ZFHX3: variants seen among roughly 807,000 people sequenced by gnomAD.
ZFHX3 encodes zinc finger homeobox protein 3.
ZFHX3 carries 42 observed loss-of-function variants against 279.1 expected under a neutral mutation model. The ratio of observed to expected loss-of-function variants is 0.15; its 90% confidence interval spans 0.12 to 0.19. The LOEUF is 0.19. Among genes scored for constraint, ZFHX3 ranks in the 10% least tolerant of loss-of-function variants. The pLI is 1.00. For synonymous variants in ZFHX3, 2,293 were observed against 1,957.8 expected (o/e 1.17, Z -4.52); for missense variants, 4,981 against 4,754.0 (o/e 1.05, Z -1.40).
chr16:73,774,447 G>T (rs1330656515), intron 1 of ZFHX3, among the ~76,000 whole-genome samples: 1 of 152,108 alleles, frequency 6.6e-6, no homozygotes, highest in Non-Finnish European at 1.5e-5. Flanking sequence ...CCCCAGAGTT[G>T]GGTGTCCCAG....
chr16:73,140,777 C>A (rs1966845786), intron 6 of ZFHX3, among the ~76,000 whole-genome samples: 1 of 152,152 alleles, frequency 6.6e-6, no homozygotes, highest in Non-Finnish European at 1.5e-5. Context: ...TCAATTGAAC[C>A]CGGGAGGTGG....
intron 3 of ZFHX3, among the ~76,000 whole-genome samples, chr16:73,359,647 C>T (rs9940028): frequency 0.21 from 32,383 of 152,086 alleles, 4,241 homozygotes; most frequent in African/African-American, 0.37. Flanking sequence ...GAGGCCAGCC[C>T]TGCCGGACCA....
chr16:73,275,664 C>T (rs1482487353), intron 4 of ZFHX3, among the ~76,000 whole-genome samples: 10 of 152,178 alleles, frequency 6.6e-5, no homozygotes, highest in Admixed American at 5.2e-4. Flanking sequence ...ATACTGTCGT[C>T]TATTGAGTGT....
chr16:73,506,522 T>C (rs1305575204), intron 2 of ZFHX3, among the ~76,000 whole-genome samples: 1 of 152,178 alleles, frequency 6.6e-6, no homozygotes, highest in Admixed American at 6.5e-5. Flanking sequence ...AGTTCATGTA[T>C]ATTAGCCAGA....
chr16:73,696,844 C>T lies in ZFHX3; in HGVS notation c.-1607-16604G>A, dbSNP rs111653637. ...CTGAGACTTCTGGAAAGTGAAGAGG[C>T]TATTTAAACATAGGTTGTGAGGTAG... On this transcript the variant is annotated intron_variant, in intron 1 of 17. Coordinates refer to the ZFHX3 transcript ENST00000641206. 9.8e-3 allele frequency among the ~76,000 whole-genome samples: 1,489 copies of T among 152,196 alleles called. 25 individuals carry two copies. The highest frequency in any genetic ancestry group is 0.035 in the African/African-American group (1,440 of 41,520).
intron 2 of ZFHX3, among the ~76,000 whole-genome samples, chr16:73,575,293 A>G (rs2051787907): frequency 6.6e-6 from 1 of 152,248 alleles, no homozygotes. Flanking sequence ...AAAAGTATTT[A>G]AAAACCAAAG....
chr16:72,831,845 C>A (rs748460605), intron 4 of ZFHX3, among the ~76,000 whole-genome samples: 7 of 152,124 alleles, frequency 4.6e-5, no homozygotes, highest in Admixed American at 6.5e-5. Context: ...AGTGTTGATA[C>A]ATTTATGCCT....
chr16:73,877,968 G>T (rs2030008686), intron 1 of ZFHX3, among the ~76,000 whole-genome samples: 1 of 151,870 alleles, frequency 6.6e-6, no homozygotes, highest in Non-Finnish European at 1.5e-5. Flanking sequence ...ATTTAACAGA[G>T]AAAGCTTCAT....
chr16:73,463,067 A>G lies in ZFHX3; in HGVS notation c.-1546-6809T>C, dbSNP rs374974659. ...TCCCCTTCCAGATCTTACTGCCCCA[A>G]CTCCTCCCACAATTATGCAAGGTCT... On this transcript the variant is annotated intron_variant, in intron 2 of 17. Coordinates refer to the ZFHX3 transcript ENST00000641206. Among the ~76,000 whole-genome samples, 31 of 152,014 alleles carry G rather than the reference A, an allele frequency of 2.0e-4. 3 individuals are homozygous for G. The highest frequency in any genetic ancestry group is 1.4e-3 in the Admixed American group (22 of 15,258).
intron 2 of ZFHX3, among the ~76,000 whole-genome samples, chr16:73,679,140 A>C (rs1204183860): frequency 4.6e-5 from 7 of 151,630 alleles, no homozygotes; most frequent in African/African-American, 1.7e-4. Flanking sequence ...TTTTTTTTTT[A>C]ATGGAAACCA....
chr16:73,015,601 G>C (rs1964074494), intron 1 of ZFHX3: 1 of 152,184 alleles, frequency 6.6e-6, no homozygotes, highest in African/African-American at 2.4e-5. Context: ...ATTCACAAAA[G>C]CCAGGCCGAG....
rs141276031 is a variant in ZFHX3, at chr16:72,957,610, G to A, written c.2536C>T (p.Arg846Cys). The change falls in exon 2 of 10, where the codon CGC becomes TGC. Residue 846 changes from arginine (R) to cysteine (C), a missense_variant. Arg to Cys is a radical substitution (Grantham distance 180). Around this residue, in one of 7 missense-constraint regions of ZFHX3, gnomAD observed 1,751 missense variants for 1,770.0 expected, o/e 0.99. Transcript: ENST00000268489. ...GGCAGGCTGCCGAGGCCCAGGTGGC[G>A]GTTGTGTTGGATCTGGGTCATGTTC... ...QQNMTQIQHN[R>C]HLGLGSLPSP... 93 of 1,614,016 alleles carry A rather than the reference G, an allele frequency of 5.8e-5. No individual in the cohort carries two copies. Among genetic ancestry groups the A allele is most frequent in the Middle Eastern group, 1.6e-4 (1 of 6,082 alleles).
intron 5 of ZFHX3, among the ~76,000 whole-genome samples, chr16:73,171,365 C>A (rs950830313): frequency 1.3e-5 from 2 of 152,108 alleles, no homozygotes; most frequent in African/African-American, 4.8e-5. Context: ...CAAATGCATC[C>A]ACTGGGCTGA....
At chr16:73,714,961 G>T (rs1567559546) in intron 1 of ZFHX3, among the ~76,000 whole-genome samples, 1 of 152,088 alleles carries the variant, frequency 6.6e-6, no homozygotes, top group African/African-American at 2.4e-5. Context: ...ATAAAGTCCG[G>T]GTCTCTCTCT....
At chr16:73,848,650 A>C (rs929378095) in intron 1 of ZFHX3, among the ~76,000 whole-genome samples, 2 of 152,218 alleles carry the variant, frequency 1.3e-5, no homozygotes. Context: ...TCACAGGTTC[A>C]TGGATATGTT....
chr16:73,841,596 G>C (rs567200542), intron 1 of ZFHX3, among the ~76,000 whole-genome samples: 108 of 152,194 alleles, frequency 7.1e-4, no homozygotes, highest in African/African-American at 2.3e-3. Flanking sequence ...GGCCACAAGA[G>C]GGTCCCCAGT....
chr16:72,949,687 GC>G (rs1960880596), intron 3 of ZFHX3, among the ~76,000 whole-genome samples: 1 of 151,210 alleles, frequency 6.6e-6, no homozygotes, highest in Non-Finnish European at 1.5e-5. Context: ...GATGGGAGAA[GC>G]CCAGGAAGAA....
chr16:73,243,349 C>G (rs916690297), intron 5 of ZFHX3, among the ~76,000 whole-genome samples: 2 of 152,208 alleles, frequency 1.3e-5, no homozygotes, highest in East Asian at 3.9e-4. Context: ...AATTCTATTT[C>G]TCCATGGCTG....
chr16:73,196,858 CT>C (rs1239372171), intron 5 of ZFHX3, among the ~76,000 whole-genome samples: 1 of 152,148 alleles, frequency 6.6e-6, no homozygotes, highest in Non-Finnish European at 1.5e-5. Flanking sequence ...ATGAAAGGCA[CT>C]AAGTGGCATT....
Sources: allele counts gnomAD v4.1 joint callset (sites outside exome capture counted in the v4.1 genomes callset), GRCh38; gene constraint gnomAD v4.1.1; regional missense constraint gnomAD v4.1.1; transcripts MANE v1.5; gene names NCBI Gene and HGNC (gene_info 2026-07-23, HGNC 2026-07-21).